The following LIN54 variants were observed in gnomAD, a reference collection of about 807,000 sequenced individuals.
LIN54 encodes the protein protein lin-54 homolog.
LIN54 carries 9 observed loss-of-function variants against 78.7 expected under a neutral mutation model. That is an observed-to-expected ratio of 0.11 (90% CI 0.07 to 0.20). The LOEUF (loss-of-function observed/expected upper bound fraction) is 0.20, where lower values mean the gene tolerates loss of function less well. Ranked by LOEUF, LIN54 falls within the 10% of genes least tolerant of loss-of-function variation. The pLI is 1.00. For synonymous variants in LIN54, 269 were observed against 318.4 expected (o/e 0.84, Z 1.65); for missense variants, 573 against 889.9 (o/e 0.64, Z 4.53).
intron 4 of LIN54, among the ~76,000 whole-genome samples, chr4:82,966,762 A>C (rs1355155497): frequency 1.3e-5 from 2 of 151,992 alleles, no homozygotes; most frequent in Non-Finnish European, 2.9e-5. Context: ...AGGATGTGCC[A>C]CCATGCCCAG....
rs758121058 is a variant in LIN54, at chr4:82,984,232, G to T, written c.613C>A (p.Pro205Thr). The change falls in exon 2 of 13, where the codon CCA becomes ACA. Residue 205 changes from proline (P) to threonine (T), a missense_variant. Pro to Thr is a conservative substitution (Grantham distance 38, BLOSUM62 -1). Around this residue, in one of 6 missense-constraint regions of LIN54, gnomAD observed 3 missense variants for 19.8 expected, o/e 0.15. Coordinates refer to ENST00000340417, the MANE Select transcript of LIN54 (RefSeq NM_194282.4). Reference sequence around the variant, plus strand: ...GTAGTATTAATCAGTTGACTTCCTGGGGTCAATGCTGAGACACCAATGACA... The same window carrying T: ...GTAGTATTAATCAGTTGACTTCCTGTGGTCAATGCTGAGACACCAATGACA... The part of the protein sequence containing the change: ...KPVIGVSALT[P>T]GSQLINTTTQ... The T allele has an allele frequency of 1.9e-6, 3 of 1,613,944 alleles. No homozygotes were observed. The East Asian group carries it at 6.7e-5, about 36-fold the overall frequency.
chr4:82,999,847 A>T lies in LIN54; in HGVS notation c.-33+10637T>A, dbSNP rs552593471. Among the ~76,000 whole-genome samples the T allele has an allele frequency of 2.0e-5, 3 of 150,848 alleles. No individual in the cohort carries two copies. In the South Asian group the frequency reaches 6.3e-4, roughly 32 times the overall value. Reference sequence around the variant, plus strand: ...CAGTGACCAAGAATTCCCAGGTGCCATTAAGAAAATCATTGAGGAGAATGG... The same window carrying T: ...CAGTGACCAAGAATTCCCAGGTGCCTTTAAGAAAATCATTGAGGAGAATGG... On this transcript the variant is annotated intron_variant, in intron 1 of 12. Coordinates refer to ENST00000340417, the MANE Select transcript of LIN54 (RefSeq NM_194282.4).
At chr4:82,935,293 A>G (rs1722313161) in intron 11 of LIN54, among the ~76,000 whole-genome samples, 1 of 148,240 alleles carries the variant, frequency 6.7e-6, no homozygotes, top group Admixed American at 6.8e-5. Context: ...TTTATAATAT[A>G]TATTTATATA....
chr4:82,960,364 G>A (rs1322168174), intron 4 of LIN54, among the ~76,000 whole-genome samples: 5 of 151,722 alleles, frequency 3.3e-5, no homozygotes, highest in Non-Finnish European at 7.4e-5. Flanking sequence ...AGATGGTCTC[G>A]GCCTCTCACA....
chr4:82,934,934 CAAG>C (rs1428250053), intron 11 of LIN54, among the ~76,000 whole-genome samples: 2 of 152,000 alleles, frequency 1.3e-5, no homozygotes, highest in Non-Finnish European at 2.9e-5. Flanking sequence ...GTGTCTAAAG[CAAG>C]AAGGGGAAGA....
chr4:83,004,463 C>A (rs1217794065), intron 1 of LIN54, among the ~76,000 whole-genome samples: 1 of 145,274 alleles, frequency 6.9e-6, no homozygotes, highest in Non-Finnish European at 1.6e-5. Context: ...CTAGGACAGA[C>A]CCTAGTATAT....
At position 82,942,856 on chromosome 4, in the gene LIN54, GCGCGCACA is replaced by G. The variant is rs1243031271; in HGVS notation, c.1169-2902_1169-2895del. ...CACATGCACAAATGTGTGCGTGTGC[GCGCGCACA>G]CACACACACACACACACACACACAC... On this transcript the variant is annotated intron_variant, in intron 5 of 12. Coordinates refer to ENST00000340417, the MANE Select transcript of LIN54 (RefSeq NM_194282.4). 7.0e-3 allele frequency among the ~76,000 whole-genome samples: 1,032 copies of G among 147,466 alleles called. 13 individuals carry two copies. Among genetic ancestry groups the G allele is most frequent in the African/African-American group, 0.023 (936 of 40,410 alleles).
At chr4:82,973,422 A>G (rs905090369) in intron 3 of LIN54, among the ~76,000 whole-genome samples, 21 of 152,194 alleles carry the variant, frequency 1.4e-4, no homozygotes, top group Admixed American at 1.4e-3. Context: ...TATCTAATCT[A>G]ACCTCCAAAT....
upstream of LIN54, chr4:83,012,181 G>T: frequency 3.1e-6 from 1 of 321,596 alleles, no homozygotes. Context: ...CCCCACTGAC[G>T]GCCCCGTCCA....
intron 1 of LIN54, among the ~76,000 whole-genome samples, chr4:83,009,123 A>G (rs932257888): frequency 2.0e-5 from 3 of 152,164 alleles, no homozygotes; most frequent in African/African-American, 7.2e-5. Flanking sequence ...ATTTCTCCTA[A>G]AAATTTTTTT....
At chr4:82,942,860 GCACACACA>G (rs1214264708) in intron 5 of LIN54, among the ~76,000 whole-genome samples, 44 of 38,548 alleles carry the variant, frequency 1.1e-3, no homozygotes, top group African/African-American at 4.8e-3. Context: ...GTGTGCGCGC[GCACACACA>G]CACACACACA....
chr4:82,948,016 C>G (rs922307753), intron 4 of LIN54, among the ~76,000 whole-genome samples: 1 of 151,942 alleles, frequency 6.6e-6, no homozygotes, highest in South Asian at 2.1e-4. Flanking sequence ...TTATCATAAG[C>G]AAAAACCAGA....
At chr4:82,953,573 G>C (rs776089930) in intron 4 of LIN54, among the ~76,000 whole-genome samples, 1 of 151,932 alleles carries the variant, frequency 6.6e-6, no homozygotes, top group Non-Finnish European at 1.5e-5. Context: ...GACCAGCCTG[G>C]GCAACATAGC....
intron 5 of LIN54, among the ~76,000 whole-genome samples, chr4:82,941,729 C>A (rs748434033): frequency 6.6e-6 from 1 of 152,012 alleles, no homozygotes; most frequent in African/African-American, 2.4e-5. Context: ...GACTTACCAA[C>A]CACTGAATGG....
chr4:82,939,936 G>C lies in LIN54; in HGVS notation c.1195C>G (p.Pro399Ala), dbSNP rs768457254. Residue 399 changes from proline to alanine, a missense_variant, in exon 6 of 13, where the codon CCA (proline) becomes GCA (alanine). Transcript: ENST00000340417. ...ACAATTGGAACTGACATCCGCACTG[G>C]GGTTGTATTAACAACCACTGGCTTT... ...QAKPVVVNTT[P>A]VRMSVPIVSA... 2.5e-6 allele frequency: 4 copies of C among 1,608,840 alleles called. No individual in the cohort carries two copies. Among genetic ancestry groups the C allele is most frequent in the South Asian group, 1.1e-5 (1 of 89,612 alleles).
rs1553946030 is a variant in LIN54 at position 82,932,831 on chromosome 4, A to AAT, written c.1846-1688_1846-1687dup. Among the ~76,000 whole-genome samples the AAT allele has an allele frequency of 8.6e-5, 13 of 151,354 alleles. No individual in the cohort carries two copies. The Middle Eastern group carries it at 0.01, about 120-fold the overall frequency. ...TAAGAATGAAACACCATCTCAAAAA[A>AAT]ATATATATATATATAATCTGATGGT... On this transcript the variant is annotated intron_variant, in intron 11 of 12. Coordinates refer to ENST00000340417, the MANE Select transcript of LIN54 (RefSeq NM_194282.4).
chr4:82,938,382 C>A lies in LIN54; in HGVS notation c.1532+31G>T, dbSNP rs754918468. The A allele has an allele frequency of 4.9e-6, 6 of 1,218,096 alleles. No individual in the cohort carries two copies. The African/African-American group carries it at 9.0e-5, about 18-fold the overall frequency. 75.5% of individuals were successfully genotyped at this position (1,218,096 alleles called of 1,614,324 possible). A position where few individuals can be genotyped will look rare whatever the true frequency, so the allele number is the denominator to read the frequency against. On this transcript the variant is annotated intron_variant, in intron 8 of 12. Coordinates refer to ENST00000340417, the MANE Select transcript of LIN54 (RefSeq NM_194282.4). ...TACTGTTGCATTTAAGCTGATCTAA[C>A]AACTTATGTACCTATTTTCAAAATA...
intron 1 of LIN54, among the ~76,000 whole-genome samples, chr4:82,999,190 T>C (rs1461841420): frequency 6.6e-6 from 1 of 152,124 alleles, no homozygotes; most frequent in Non-Finnish European, 1.5e-5. Context: ...CTGTAAAACT[T>C]GAATAACACT....
chr4:82,968,772 A>G (rs1725421876), intron 4 of LIN54, among the ~76,000 whole-genome samples: 1 of 152,110 alleles, frequency 6.6e-6, no homozygotes, highest in Non-Finnish European at 1.5e-5. Context: ...ATACAGGCTC[A>G]CCTTCCCCCA....
Sources: allele counts gnomAD v4.1 joint callset (sites outside exome capture counted in the v4.1 genomes callset), GRCh38; gene constraint gnomAD v4.1.1; regional missense constraint gnomAD v4.1.1; transcripts MANE v1.5; gene names NCBI Gene and HGNC (gene_info 2026-07-23, HGNC 2026-07-21).